The following FBXL17 variants were observed in gnomAD, a reference collection of about 807,000 sequenced individuals.
FBXL17 encodes the protein F-box/LRR-repeat protein 17.
Under a neutral mutation model 66.2 loss-of-function variants are expected in FBXL17, and 22 were observed. The observed-to-expected ratio is 0.33, with a 90% confidence interval of 0.24 to 0.47. The LOEUF (loss-of-function observed/expected upper bound fraction) is 0.47. Ranked by LOEUF, FBXL17 falls within the 20% of genes least tolerant of loss-of-function variation. FBXL17 has a pLI of 1.00. For synonymous variants in FBXL17, 474 were observed against 400.5 expected (o/e 1.18, Z -2.19); for missense variants, 878 against 948.2 (o/e 0.93, Z 0.97).
intron 7 of FBXL17, among the ~76,000 whole-genome samples, chr5:107,947,243 G>A (rs998603207): frequency 6.6e-5 from 10 of 152,228 alleles, no homozygotes; most frequent in African/African-American, 2.4e-4. Flanking sequence ...AGCTTCTTGT[G>A]TATTAAGACT....
In FBXL17 at chr5:108,381,858, TCAGCTGCGGG is replaced by T; in HGVS notation, c.-177_-168del. 2 of 1,291,844 alleles carry T rather than the reference TCAGCTGCGGG, an allele frequency of 1.5e-6. No homozygotes were observed. Among genetic ancestry groups the T allele is most frequent in the Non-Finnish European group, 2.0e-6 (2 of 1,020,324 alleles). 80.0% of individuals were successfully genotyped at this position (1,291,844 alleles called of 1,614,324 possible). A position where few individuals can be genotyped will look rare whatever the true frequency, so the allele number is the denominator to read the frequency against. On this transcript the variant is annotated 5_prime_UTR_variant, in exon 1 of 9. Coordinates refer to ENST00000542267, the MANE Select transcript of FBXL17 (RefSeq NM_001163315.3). Reference sequence around the variant, plus strand: ...CACACGCGACGGTGGGGGGTGGGCGTCAGCTGCGGGCCGCCGGAGTGCCCGACGGGGGCTA... The same window carrying T: ...CACACGCGACGGTGGGGGGTGGGCGTCCGCCGGAGTGCCCGACGGGGGCTA...
At position 108,179,647 on chromosome 5, in the gene FBXL17, G is replaced by A. The variant is rs371975233; in HGVS notation, c.1745+6470C>T. ...TCAGGAAACTCCTTTACAGCACTCTGTTTGAACACTAACAAAGAGTGCATT... is the reference window on the plus strand; with the variant it reads ...TCAGGAAACTCCTTTACAGCACTCTATTTGAACACTAACAAAGAGTGCATT... On this transcript the variant is annotated intron_variant, in intron 6 of 8. Coordinates refer to ENST00000542267, the MANE Select transcript of FBXL17 (RefSeq NM_001163315.3). Among the ~76,000 whole-genome samples the A allele has an allele frequency of 1.7e-4, 26 of 152,184 alleles. No homozygotes were observed. In the East Asian group the frequency reaches 2.9e-3, roughly 17 times the overall value.
intron 6 of FBXL17, among the ~76,000 whole-genome samples, chr5:108,091,289 G>A (rs1279014509): frequency 6.6e-6 from 1 of 152,188 alleles, no homozygotes; most frequent in Non-Finnish European, 1.5e-5. Context: ...CATTTATTGA[G>A]TCCTTCCCAC....
At chr5:108,313,431 G>A (rs1358484906) in intron 4 of FBXL17, among the ~76,000 whole-genome samples, 1 of 152,080 alleles carries the variant, frequency 6.6e-6, no homozygotes, top group Non-Finnish European at 1.5e-5. Context: ...TGCCATGTAA[G>A]AAGTCCACCA....
chr5:108,186,257 T>A lies in FBXL17; in HGVS notation c.1615-10A>T. 6.2e-7 allele frequency: 1 copy of A among 1,603,560 alleles called. No individual in the cohort carries two copies. The highest frequency in any genetic ancestry group is 8.5e-7 in the Non-Finnish European group (1 of 1,174,678). ...TGGAAAGGTTTCTTAGCTAATGAGA[T>A]AAATAAAATGAAAGATGAAAAAGGT... On this transcript the variant is annotated splice_polypyrimidine_tract_variant and intron_variant, in intron 5 of 8. Coordinates refer to ENST00000542267, the MANE Select transcript of FBXL17 (RefSeq NM_001163315.3).
intron 4 of FBXL17, among the ~76,000 whole-genome samples, chr5:108,332,267 A>G (rs1440489040): frequency 6.6e-6 from 1 of 152,170 alleles, no homozygotes; most frequent in Non-Finnish European, 1.5e-5. Flanking sequence ...TAACTTTTAT[A>G]ATGAAATAAG....
chr5:108,238,573 C>T (rs1281591797), intron 4 of FBXL17, among the ~76,000 whole-genome samples: 3 of 152,176 alleles, frequency 2.0e-5, no homozygotes, highest in Admixed American at 1.3e-4. Flanking sequence ...TGCAGTGGTG[C>T]AATCACAGCT....
intron 7 of FBXL17, among the ~76,000 whole-genome samples, chr5:107,910,808 T>C (rs1416329258): frequency 6.6e-6 from 1 of 151,814 alleles, no homozygotes; most frequent in Non-Finnish European, 1.5e-5. Context: ...AGAAAAAACA[T>C]CAAAAAAAGT....
intron 7 of FBXL17, among the ~76,000 whole-genome samples, chr5:108,009,308 T>TATACACAC: frequency 0.013 from 540 of 42,178 alleles, 87 homozygotes; most frequent in Middle Eastern, 0.038. Flanking sequence ...TATACATATA[T>TATACACAC]ACATACACAT....
intron 4 of FBXL17, among the ~76,000 whole-genome samples, chr5:108,242,362 T>TTGC (rs1049248378): frequency 7.3e-6 from 1 of 137,252 alleles, no homozygotes; most frequent in Non-Finnish European, 1.5e-5. Context: ...GTTGTTGTTG[T>TTGC]TGTTGTTGTT....
chr5:108,190,970 A>G (rs1272698016), intron 5 of FBXL17, among the ~76,000 whole-genome samples: 2 of 152,204 alleles, frequency 1.3e-5, no homozygotes, highest in Non-Finnish European at 2.9e-5. Flanking sequence ...TGCTGACAGC[A>G]GCCCCATGTT....
chr5:108,194,082 A>C (rs1753579082), intron 5 of FBXL17, among the ~76,000 whole-genome samples: 1 of 152,208 alleles, frequency 6.6e-6, no homozygotes, highest in Middle Eastern at 3.4e-3. Flanking sequence ...TAGGGAACAA[A>C]AATATTTCTG....
intron 3 of FBXL17, among the ~76,000 whole-genome samples, chr5:108,355,994 C>T (rs1304669476): frequency 6.6e-6 from 1 of 152,100 alleles, no homozygotes; most frequent in Non-Finnish European, 1.5e-5. Context: ...AAGAAATCTA[C>T]TTTAAATAGA....
intron 7 of FBXL17, among the ~76,000 whole-genome samples, chr5:107,964,790 G>C (rs764823399): frequency 1.3e-5 from 2 of 151,964 alleles, no homozygotes; most frequent in Non-Finnish European, 2.9e-5. Context: ...TCTTCTTTTT[G>C]GATTTTGTCA....
chr5:108,299,353 C>T lies in FBXL17; in HGVS notation c.1506+49046G>A, dbSNP rs552854065. On this transcript the variant is annotated intron_variant, in intron 4 of 8. Transcript: ENST00000542267. Reference sequence around the variant, plus strand: ...AGATACCATTAAAGTATATTTTGTACATACATAGTACAGTTTTCAAACTAC... The same window carrying T: ...AGATACCATTAAAGTATATTTTGTATATACATAGTACAGTTTTCAAACTAC... The T allele has an allele frequency of 1.9e-4, 189 of 984,580 alleles. No homozygotes were observed. The Middle Eastern group carries it at 2.6e-3, about 14-fold the overall frequency. The allele number at this position is 984,580 out of a possible 1,614,324, so 61.0% of individuals were successfully genotyped here.
intron 4 of FBXL17, among the ~76,000 whole-genome samples, chr5:108,265,842 G>A (rs1757023644): frequency 6.6e-6 from 1 of 152,102 alleles, no homozygotes; most frequent in Non-Finnish European, 1.5e-5. Context: ...CTGAGTTCCT[G>A]CATTTCTAAC....
intron 6 of FBXL17, among the ~76,000 whole-genome samples, chr5:108,111,026 A>G (rs57320882): frequency 6.6e-6 from 1 of 152,304 alleles, no homozygotes; most frequent in African/African-American, 2.4e-5. Context: ...AATCTTCAAC[A>G]AGTGCTGGCC....
Position 107,987,395 on chromosome 5 carries a change from C to T in FBXL17, c.1822+33530G>A, listed in dbSNP as rs999800297. 3.3e-5 allele frequency among the ~76,000 whole-genome samples: 5 copies of T among 151,776 alleles called. No homozygotes were observed. The South Asian group carries it at 6.2e-4, about 19-fold the overall frequency. On this transcript the variant is annotated intron_variant, in intron 7 of 8. Coordinates refer to ENST00000542267, the MANE Select transcript of FBXL17 (RefSeq NM_001163315.3). ...AATTTTACCTCCCTGGTGCTAAAGC[C>T]GATCTTGAAAATAATATTTTTATTT...
At chr5:107,975,842 G>T (rs560324168) in intron 7 of FBXL17, among the ~76,000 whole-genome samples, 1 of 84,280 alleles carries the variant, frequency 1.2e-5, no homozygotes, top group South Asian at 4.3e-4. Context: ...TAATTAGAGG[G>T]TTTTTGTTGT....
Sources: allele counts gnomAD v4.1 joint callset (sites outside exome capture counted in the v4.1 genomes callset), GRCh38; gene constraint gnomAD v4.1.1; transcripts MANE v1.5; gene names NCBI Gene and HGNC (gene_info 2026-07-23, HGNC 2026-07-21).